Variants in APBB2 observed in about 807,000 individuals in gnomAD.
APBB2 encodes Fe65-like 1.
In APBB2, 38 loss-of-function variants were observed where a neutral mutation model predicts 82.5. The ratio of observed to expected loss-of-function variants is 0.46; its 90% CI spans 0.36 to 0.60. The LOEUF (loss-of-function observed/expected upper bound fraction) is 0.60, where lower values mean the gene tolerates loss of function less well. Ranked by LOEUF, APBB2 falls within the 20% of genes least tolerant of loss-of-function variation. APBB2 has a pLI of 0.00. For synonymous variants in APBB2, 341 were observed against 368.2 expected (o/e 0.93, Z 0.85); for missense variants, 772 against 972.3 (o/e 0.79, Z 2.74).
intron 2 of APBB2, among the ~76,000 whole-genome samples, chr4:41,131,818 T>C (rs1156392591): frequency 6.6e-6 from 1 of 152,060 alleles, no homozygotes; most frequent in Non-Finnish European, 1.5e-5. Context: ...GGCGGGTGGA[T>C]CACCTGAGGC....
chr4:40,820,906 T>C (rs1747679640), intron 17 of APBB2, among the ~76,000 whole-genome samples: 1 of 151,964 alleles, frequency 6.6e-6, no homozygotes, highest in Non-Finnish European at 1.5e-5. Context: ...TTCCCTCTTG[T>C]TGCCCAGGCT....
intron 6 of APBB2, among the ~76,000 whole-genome samples, chr4:40,971,926 T>A (rs1380782793): frequency 1.3e-5 from 2 of 152,128 alleles, no homozygotes; most frequent in African/African-American, 4.8e-5. Context: ...AGCTTCAACT[T>A]TAGCGCGTAT....
intron 10 of APBB2, among the ~76,000 whole-genome samples, chr4:40,907,084 T>C (rs1405327268): frequency 6.6e-5 from 10 of 152,058 alleles, no homozygotes; most frequent in Non-Finnish European, 1.5e-5. Flanking sequence ...TTTACATATC[T>C]TGTTCAATCA....
rs889705511 is a variant in APBB2, at chr4:40,825,774, T to A, written c.1816+113A>T. On this transcript the variant is annotated intron_variant, in intron 15 of 17. Transcript: ENST00000508593. ...GGCAGGTGACAGTGTGACAGTTTGA[T>A]TCAAGACAAGGCGTGAGAGTAAACA... 25 of 791,686 alleles carry A rather than the reference T, an allele frequency of 3.2e-5. No individual in the cohort carries two copies. In the East Asian group the frequency reaches 6.5e-4, roughly 21 times the overall value. 49.0% of individuals were successfully genotyped at this position (791,686 alleles called of 1,614,324 possible).
chr4:40,894,857 T>A (rs1390850046), intron 10 of APBB2, among the ~76,000 whole-genome samples: 1 of 152,194 alleles, frequency 6.6e-6, no homozygotes, highest in Admixed American at 6.5e-5. Context: ...TTGCTGGTGA[T>A]CACCAGGGTT....
intron 1 of APBB2, among the ~76,000 whole-genome samples, chr4:41,159,648 A>G (rs1192523117): frequency 6.6e-6 from 1 of 152,084 alleles, no homozygotes; most frequent in Non-Finnish European, 1.5e-5. Flanking sequence ...TCTTATAGAG[A>G]TATTACTTTT....
intron 10 of APBB2, among the ~76,000 whole-genome samples, chr4:40,894,107 T>C (rs7697977): frequency 0.65 from 99,236 of 151,714 alleles, 32,772 homozygotes; most frequent in East Asian, 0.87. Context: ...GCTAACACGG[T>C]GAAGCACCGT....
chr4:41,004,409 T>G (rs1806104750), intron 6 of APBB2, among the ~76,000 whole-genome samples: 1 of 152,302 alleles, frequency 6.6e-6, no homozygotes, highest in Admixed American at 6.5e-5. Flanking sequence ...AAGACACATT[T>G]TGTCAGGCAC....
At chr4:40,912,263 C>T (rs1778762067) in intron 10 of APBB2, among the ~76,000 whole-genome samples, 6 of 152,210 alleles carry the variant, frequency 3.9e-5, no homozygotes, top group Admixed American at 3.9e-4. Context: ...ACCCCTAACC[C>T]ACCGCAGCCT....
intron 10 of APBB2, among the ~76,000 whole-genome samples, chr4:40,925,059 T>C (rs890239450): frequency 1.3e-5 from 2 of 152,182 alleles, no homozygotes; most frequent in Non-Finnish European, 2.9e-5. Flanking sequence ...AGGTATCGTC[T>C]CCTTCTGGGA....
rs143296287 is a variant in APBB2 at position 40,943,504 on chromosome 4, C to G, written c.1044+1361G>C. Reference sequence around the variant, plus strand: ...CGGCTCAGCTTCTAGGAGGCCCCCACTGTGGTACAGGGGGAATCCCAGGAT... The same window carrying G: ...CGGCTCAGCTTCTAGGAGGCCCCCAGTGTGGTACAGGGGGAATCCCAGGAT... On this transcript the variant is annotated intron_variant, in intron 7 of 17. Transcript: ENST00000508593. Among the ~76,000 whole-genome samples, 4 of 152,318 alleles carry G rather than the reference C, an allele frequency of 2.6e-5. No homozygotes were observed. In the East Asian group the frequency reaches 5.8e-4, roughly 22 times the overall value.
chr4:40,891,095 G>A (rs891019834), intron 11 of APBB2, among the ~76,000 whole-genome samples: 14 of 152,192 alleles, frequency 9.2e-5, no homozygotes, highest in African/African-American at 3.4e-4. Flanking sequence ...GCCCTCTGAG[G>A]GCTTGGATTG....
intron 7 of APBB2, among the ~76,000 whole-genome samples, chr4:40,942,319 G>C (rs1479655148): frequency 6.6e-6 from 1 of 152,160 alleles, no homozygotes; most frequent in Non-Finnish European, 1.5e-5. Context: ...CTTCCACGGA[G>C]GGATAAGCCT....
At chr4:40,903,684 A>G (rs1475213042) in intron 10 of APBB2, among the ~76,000 whole-genome samples, 1 of 152,120 alleles carries the variant, frequency 6.6e-6, no homozygotes, top group African/African-American at 2.4e-5. Flanking sequence ...GATTCAACAT[A>G]AGAGAAATAG....
chr4:41,027,830 C>T (rs1459062775), intron 5 of APBB2, among the ~76,000 whole-genome samples: 1 of 152,236 alleles, frequency 6.6e-6, no homozygotes, highest in East Asian at 1.9e-4. Flanking sequence ...AGGTGGTTCT[C>T]TTGGATTCCT....
intron 6 of APBB2, among the ~76,000 whole-genome samples, chr4:40,960,176 C>T (rs10938466): frequency 0.081 from 12,358 of 151,822 alleles, 558 homozygotes; most frequent in Middle Eastern, 0.14. Context: ...CAGAGAAAAA[C>T]GTTTTTCTGA....
Position 40,816,171 on chromosome 4 carries a change from A to G in APBB2, c.2201T>C (p.Val734Ala), listed in dbSNP as rs1043939486. The stretch of plus-strand genomic sequence containing the variant: ...GACCCCTCGTTTTACATTGGTTGTG[A>G]CTCTTCTGGTTACTGAATCTGCTGG... ...PPPADSVTRRVTTNVKRGVLS... is the reference protein window; with the variant it reads ...PPPADSVTRRATTNVKRGVLS... The change falls in exon 18 of 18, where the codon GTC (valine) becomes GCC (alanine). Residue 734 changes from valine (V) to alanine (A), a missense_variant. Physicochemically the swap from Val to Ala is moderately conservative, Grantham distance 64. Coordinates refer to ENST00000508593, the MANE Select transcript of APBB2 (RefSeq NM_004307.2). The G allele has an allele frequency of 1.9e-6, 3 of 1,613,826 alleles. No individual in the cohort carries two copies. The highest frequency in any genetic ancestry group is 1.3e-5 in the African/African-American group (1 of 74,830).
At chr4:40,997,592 T>C (rs1413318195) in intron 6 of APBB2, among the ~76,000 whole-genome samples, 1 of 152,218 alleles carries the variant, frequency 6.6e-6, no homozygotes. Flanking sequence ...TCCTCATACC[T>C]AGAGCAGAAG....
At chr4:41,078,511 C>T (rs1372035602) in intron 3 of APBB2, among the ~76,000 whole-genome samples, 1 of 152,162 alleles carries the variant, frequency 6.6e-6, no homozygotes, top group Non-Finnish European at 1.5e-5. Flanking sequence ...TAATCTGCTC[C>T]TCCTAGCTAA....
Sources: allele counts gnomAD v4.1 joint callset (sites outside exome capture counted in the v4.1 genomes callset), GRCh38; gene constraint gnomAD v4.1.1; transcripts MANE v1.5; gene names NCBI Gene and HGNC (gene_info 2026-07-23, HGNC 2026-07-21).